Variants in MTMR4 observed in about 807,000 individuals in gnomAD.
MTMR4 encodes the protein phosphatidylinositol-3,5-bisphosphate 3-phosphatase MTMR4.
MTMR4 carries 30 observed loss-of-function variants against 125.5 expected under a neutral mutation model. The observed-to-expected ratio is 0.24, with a 90% CI of 0.18 to 0.32. MTMR4 has a LOEUF of 0.32. Ranked by LOEUF, MTMR4 falls within the 10% of genes least tolerant of loss-of-function variation. The probability of loss-of-function intolerance (pLI) is 1.00; values close to 1 mark genes in which losing one functional copy is unlikely to be tolerated. For missense variants in MTMR4, 1,039 were observed against 1,511.5 expected (o/e 0.69, Z 5.18); for synonymous variants, 498 against 564.5 (o/e 0.88, Z 1.67).
rs1247674880 is a variant in MTMR4 at position 58,507,103 on chromosome 17, T to C, written c.904+20A>G. 6 of 1,613,690 alleles carry C rather than the reference T, an allele frequency of 3.7e-6. No homozygotes were observed. The highest frequency in any genetic ancestry group is 1.7e-5 in the Admixed American group (1 of 59,988). On this transcript the variant is annotated intron_variant, in intron 8 of 17. Coordinates refer to ENST00000682306, the MANE Select transcript of MTMR4 (RefSeq NM_001378067.1). Reference sequence around the variant, plus strand: ...GGAGGGGGCCTGCTCCCTGGGGGGTTAGCATCATCCACACCTTACCAAAGT... The same window carrying C: ...GGAGGGGGCCTGCTCCCTGGGGGGTCAGCATCATCCACACCTTACCAAAGT...
At position 58,504,227 on chromosome 17, in the gene MTMR4, A is replaced by G. The variant is rs763226914; in HGVS notation, c.1528-7T>C. 8 of 1,602,706 alleles carry G rather than the reference A, an allele frequency of 5.0e-6. No individual in the cohort carries two copies. Among genetic ancestry groups the G allele is most frequent in the Non-Finnish European group, 6.8e-6 (8 of 1,171,892 alleles). ...TGTGTTGCACCAGTTTTACCTAGAA[A>G]GCAGAGAGAGCTTGCACCTGGGGGC... On this transcript the variant is annotated splice_region_variant and splice_polypyrimidine_tract_variant and intron_variant, in intron 12 of 17. Transcript: ENST00000682306. The surrounding 1 kb of genome is among the most constrained non-coding windows in gnomAD (Gnocchi z 7.1).
intron 16 of MTMR4, 44 bp downstream of exon 16, chr17:58,492,798 C>T (rs1324855639): frequency 2.6e-6 from 4 of 1,531,078 alleles, no homozygotes; most frequent in East Asian, 2.2e-5. Context: ...TATGATGACT[C>T]ACTGGCTCAC....
upstream of MTMR4, among the ~76,000 whole-genome samples, chr17:58,516,939 G>GCC (rs1406555256): frequency 1.3e-5 from 2 of 152,250 alleles, no homozygotes; most frequent in Admixed American, 1.3e-4. Flanking sequence ...TCAGGGAGCA[G>GCC]AACTGCCAAC....
At chr17:58,505,901 C>T (rs963782817) in intron 9 of MTMR4, among the ~76,000 whole-genome samples, 3 of 152,022 alleles carry the variant, frequency 2.0e-5, no homozygotes, top group African/African-American at 7.2e-5. Context: ...AGCGAGACTC[C>T]GTCTCAAAAC....
Position 58,508,700 on chromosome 17 carries a change from G to A in MTMR4, c.477C>T (p.His159=), listed in dbSNP as rs1036150417. Residue 159 remains histidine (H), a synonymous_variant, in exon 5 of 18, where the codon CAC becomes CAT. Coordinates refer to ENST00000682306, the MANE Select transcript of MTMR4 (RefSeq NM_001378067.1). The surrounding 1 kb of genome is among the most constrained non-coding windows in gnomAD (Gnocchi z 4.8). Reference sequence around the variant, plus strand: ...CCTCACCTGGCTGACATAGGTGAGTGTGCTGGTCCTCCTCGGTCAGCCCCA... The same window carrying A: ...CCTCACCTGGCTGACATAGGTGAGTATGCTGGTCCTCCTCGGTCAGCCCCA... ...WCLGLTEEDQ[H]THLCQPGEHI... 6.2e-7 allele frequency: 1 copy of A among 1,614,220 alleles called. No homozygotes were observed. Among genetic ancestry groups the A allele is most frequent in the Non-Finnish European group, 8.5e-7 (1 of 1,180,032 alleles).
chr17:58,504,734 C>T lies in MTMR4; in HGVS notation c.1341+45G>A, dbSNP rs1026589348. On this transcript the variant is annotated intron_variant, in intron 11 of 17. Coordinates refer to ENST00000682306, the MANE Select transcript of MTMR4 (RefSeq NM_001378067.1). This position sits in a 1 kb window ranked among gnomAD's most constrained non-coding sequence, Gnocchi z 7.1. Reference sequence around the variant, plus strand: ...ATCCAGAGGGCTCAACACCTTCCCTCCTGCCACATTCCTTCTGGTTTTCCC... The same window carrying T: ...ATCCAGAGGGCTCAACACCTTCCCTTCTGCCACATTCCTTCTGGTTTTCCC... 12 of 1,558,576 alleles carry T rather than the reference C, an allele frequency of 7.7e-6. No homozygotes were observed. The highest frequency in any genetic ancestry group is 4.5e-5 in the East Asian group (2 of 44,330).
At position 58,491,767 on chromosome 17, in the gene MTMR4, G is replaced by C; in HGVS notation, c.3526C>G (p.Pro1176Ala). 1 of 1,614,090 alleles carries C rather than the reference G, an allele frequency of 6.2e-7. No homozygotes were observed. The highest frequency in any genetic ancestry group is 8.5e-7 in the Non-Finnish European group (1 of 1,179,986). The change falls in exon 18 of 18, where the codon CCA becomes GCA. Residue 1176 changes from proline to alanine, a missense_variant. Physicochemically the swap from Pro to Ala is conservative, Grantham distance 27 (BLOSUM62 -1). This residue lies in a region of MTMR4 where 60 missense variants were observed against 129.6 expected (regional missense o/e 0.46). Coordinates refer to ENST00000682306, the MANE Select transcript of MTMR4 (RefSeq NM_001378067.1). ...TAACATGAGTTACAGACGAGAACTGGGTCATAGAGTTGCTGATCAGGAATG... is the reference window on the plus strand; with the variant it reads ...TAACATGAGTTACAGACGAGAACTGCGTCATAGAGTTGCTGATCAGGAATG... ...LPIPDQQLYDPVLVCNSCYEH... is the reference protein window; with the variant it reads ...LPIPDQQLYDAVLVCNSCYEH...
chr17:58,503,665 A>C, intron 14 of MTMR4, 79 bp downstream of exon 14: 5 of 1,471,474 alleles, frequency 3.4e-6, no homozygotes, highest in Non-Finnish European at 4.6e-6. Context: ...AAAGAAAGAA[A>C]GAGAACATTT....
In MTMR4 at chr17:58,512,964, A is replaced by T; in HGVS notation, c.46-23T>A. ...ACCCTGTAGGAAGGCCACAGTCCTAAGTCACCAAGCTCCACTTAGCCCATC... is the reference window on the plus strand; with the variant it reads ...ACCCTGTAGGAAGGCCACAGTCCTATGTCACCAAGCTCCACTTAGCCCATC... On this transcript the variant is annotated intron_variant, in intron 1 of 17. Coordinates refer to ENST00000682306, the MANE Select transcript of MTMR4 (RefSeq NM_001378067.1). This position sits in a 1 kb window ranked among gnomAD's most constrained non-coding sequence, Gnocchi z 4.1. 6.3e-7 allele frequency: 1 copy of T among 1,579,596 alleles called. No homozygotes were observed. Among genetic ancestry groups the T allele is most frequent in the South Asian group, 1.1e-5 (1 of 90,166 alleles).
chr17:58,512,317 G>T lies in MTMR4; in HGVS notation c.252+73C>A. The stretch of plus-strand genomic sequence containing the variant: ...TTTTTTAATGACATGATCAAGGACA[G>T]CCTTGGAACAATCCCACCTTGAACT... On this transcript the variant is annotated intron_variant, in intron 3 of 17. Transcript: ENST00000682306. The surrounding 1 kb of genome is among the most constrained non-coding windows in gnomAD (Gnocchi z 4.1). 7.6e-7 allele frequency: 1 copy of T among 1,311,788 alleles called. No individual in the cohort carries two copies. The highest frequency in any genetic ancestry group is 1.1e-6 in the Non-Finnish European group (1 of 907,510). The allele number at this position is 1,311,788 out of a possible 1,614,324, so 81.3% of individuals were successfully genotyped here.
At chr17:58,516,297 T>C (rs927716973), upstream of MTMR4, among the ~76,000 whole-genome samples, 1 of 152,192 alleles carries the variant, frequency 6.6e-6, no homozygotes, top group African/African-American at 2.4e-5. Context: ...AGGGCTGTTA[T>C]GAAGGGTTAA....
chr17:58,505,710 A>C (rs567261002), intron 9 of MTMR4, 127 bp from the exon 10 acceptor site: 77 of 531,210 alleles, frequency 1.4e-4, no homozygotes, highest in Admixed American at 8.9e-4. Flanking sequence ...GAGTTCAAGA[A>C]CAGCCTGACT....
rs1975313823 is a variant in MTMR4, at chr17:58,491,537, G to A, written c.*126C>T. 3.1e-6 allele frequency: 3 copies of A among 974,294 alleles called. No individual in the cohort carries two copies. The highest frequency in any genetic ancestry group is 5.4e-5 in the Admixed American group (2 of 37,176). 60.4% of individuals were successfully genotyped at this position (974,294 alleles called of 1,614,324 possible). A position where few individuals can be genotyped will look rare whatever the true frequency, so the allele number is the denominator to read the frequency against. On this transcript the variant is annotated 3_prime_UTR_variant, in exon 18 of 18. Transcript: ENST00000682306. ...GCTCCAGTTTCATGATACCAAGGAG[G>A]ATTTCTCAAGATGGTATCTCTGAGC...
In MTMR4 at chr17:58,512,450, A is replaced by T; in HGVS notation, c.192T>A (p.Asp64Glu). The change falls in exon 3 of 18, where the codon GAT (aspartate) becomes GAA (glutamate). Residue 64 changes from aspartate to glutamate, a missense_variant. Physicochemically the swap from Asp to Glu is conservative, Grantham distance 45. This residue lies in a region of MTMR4 where 202 missense variants were observed against 311.9 expected (regional missense o/e 0.65). Transcript: ENST00000682306. This position sits in a 1 kb window ranked among gnomAD's most constrained non-coding sequence, Gnocchi z 4.1. The part of the protein sequence containing the change: ...EGVEFLGRAA[D>E]ALIAISNYRL... ...GGTAGTTAGAGATGGCAATGAGGGC[A>T]TCGGCTGCCCGGCCCAGGAACTCTA... is the stretch of plus-strand genomic sequence containing the variant. 6.2e-7 allele frequency: 1 copy of T among 1,614,194 alleles called. No homozygotes were observed.
At chr17:58,492,200 T>G (rs191193005) in intron 17 of MTMR4, among the ~76,000 whole-genome samples, 1 of 152,280 alleles carries the variant, frequency 6.6e-6, no homozygotes, top group East Asian at 1.9e-4. Flanking sequence ...TGAGACAGAG[T>G]CTTGCTCTGT....
Position 58,504,195 on chromosome 17 carries a change from G to A in MTMR4, c.1553C>T (p.Ser518Phe). 3 of 1,609,580 alleles carry A rather than the reference G, an allele frequency of 1.9e-6. No homozygotes were observed. The highest frequency in any genetic ancestry group is 2.5e-6 in the Non-Finnish European group (3 of 1,178,074). ...FLVKLVQHTY[S>F]CLYGTFLANN... ...GGCCAGGAAGGTGCCGTAGAGGCAG[G>A]AGTATGTGTGTTGCACCAGTTTTAC... is the stretch of plus-strand genomic sequence containing the variant. Residue 518 changes from serine (S) to phenylalanine (F), a missense_variant, in exon 13 of 18, where the codon TCC becomes TTC. Ser to Phe is a radical substitution (Grantham distance 155). Transcript: ENST00000682306. The surrounding 1 kb of genome is among the most constrained non-coding windows in gnomAD (Gnocchi z 7.1).
upstream of MTMR4, among the ~76,000 whole-genome samples, chr17:58,518,154 T>C (rs1178701859): frequency 6.6e-6 from 1 of 152,232 alleles, no homozygotes; most frequent in African/African-American, 2.4e-5. Context: ...CAGCGCGTCC[T>C]TGCGGCAGCC....
rs373230696 is a variant in MTMR4, at chr17:58,508,308, G to A, written c.594-34C>T. ...AGACCAGGTGGGGGTCACTGCACTG[G>A]GTCTAAAACATGTGATGACAGGATC... On this transcript the variant is annotated intron_variant, in intron 6 of 17. Transcript: ENST00000682306. This position sits in a 1 kb window ranked among gnomAD's most constrained non-coding sequence, Gnocchi z 4.8. 8.2e-6 allele frequency: 13 copies of A among 1,592,244 alleles called. No homozygotes were observed. In the Admixed American group the frequency reaches 1.8e-4, roughly 22 times the overall value.
In MTMR4 at chr17:58,504,174, A is replaced by T; in HGVS notation, c.1574T>A (p.Leu525Gln). The change falls in exon 13 of 18, where the codon CTG (leucine) becomes CAG (glutamine). Residue 525 changes from leucine to glutamine, a missense_variant. This residue lies in a region of MTMR4 where 107 missense variants were observed against 267.4 expected (regional missense o/e 0.40). Coordinates refer to ENST00000682306, the MANE Select transcript of MTMR4 (RefSeq NM_001378067.1). The surrounding 1 kb of genome is among the most constrained non-coding windows in gnomAD (Gnocchi z 7.1). ...CTCTCGCTCACAGGGGTTGTTGGCC[A>T]GGAAGGTGCCGTAGAGGCAGGAGTA... Reference protein sequence around the residue: ...HTYSCLYGTFLANNPCEREKR... With the variant: ...HTYSCLYGTFQANNPCEREKR... The T allele has an allele frequency of 6.2e-7, 1 of 1,612,630 alleles. No homozygotes were observed. The highest frequency in any genetic ancestry group is 8.5e-7 in the Non-Finnish European group (1 of 1,179,298).
Sources: gnomAD v4.1 joint callset for allele counts (sites outside exome capture counted in the v4.1 genomes callset) on GRCh38, gnomAD v4.1.1 for gene constraint, gnomAD v4.1.1 regional missense constraint, Gnocchi (gnomAD v3.1) non-coding constraint, MANE v1.5 for transcripts, NCBI Gene and HGNC (gene_info 2026-07-23, HGNC 2026-07-21) for gene names.